The following PRKCH variants were observed in gnomAD, a reference collection of about 807,000 sequenced individuals.
The protein encoded by PRKCH is protein kinase C eta type.
Under a neutral mutation model 82.5 loss-of-function variants are expected in PRKCH, and 28 were observed. The ratio of observed to expected loss-of-function variants is 0.34; its 90% confidence interval spans 0.25 to 0.47. PRKCH has a LOEUF of 0.47. Among genes scored for constraint, PRKCH ranks in the 20% least tolerant of loss-of-function variants. PRKCH has a pLI of 1.00. For synonymous variants in PRKCH, 322 were observed against 327.4 expected (o/e 0.98, Z 0.18); for missense variants, 705 against 881.8 (o/e 0.80, Z 2.54).
chr14:61,409,014 T>A (rs559026808), intron 2 of PRKCH, among the ~76,000 whole-genome samples: 1 of 152,302 alleles, frequency 6.6e-6, no homozygotes, highest in East Asian at 1.9e-4. Flanking sequence ...TTTGTCAGTT[T>A]CCTGTTCGCT....
intron 10 of PRKCH, among the ~76,000 whole-genome samples, chr14:61,493,721 T>TG (rs1377602266): frequency 6.6e-6 from 1 of 151,316 alleles, no homozygotes; most frequent in Admixed American, 6.6e-5. Flanking sequence ...TACGTGCGGG[T>TG]GGGGGGCATG....
At chr14:61,207,885 A>T (rs758520208) in intron 1 of PRKCH, among the ~76,000 whole-genome samples, 6 of 152,208 alleles carry the variant, frequency 3.9e-5, no homozygotes, top group Non-Finnish European at 5.9e-5. Context: ...CTTCCCATGA[A>T]ACTGCCTGGC....
chr14:61,421,103 G>T (rs1167230263), intron 2 of PRKCH, among the ~76,000 whole-genome samples: 1 of 151,424 alleles, frequency 6.6e-6, no homozygotes, highest in Non-Finnish European at 1.5e-5. Flanking sequence ...TTATCTAGTA[G>T]TGCCTTTATC....
intron 1 of PRKCH, among the ~76,000 whole-genome samples, chr14:61,310,612 T>C (rs2045515664): frequency 6.6e-6 from 1 of 152,218 alleles, no homozygotes; most frequent in Admixed American, 6.5e-5. Context: ...TGCCTGTGGC[T>C]TTTCCAGGCA....
intron 1 of PRKCH, among the ~76,000 whole-genome samples, chr14:61,286,582 G>A (rs890448714): frequency 3.3e-5 from 5 of 152,006 alleles, no homozygotes. Flanking sequence ...TTCGAGATCA[G>A]TCTGACCAAC....
intron 8 of PRKCH, 64 bp from the exon 9 acceptor site, chr14:61,457,442 T>A: frequency 6.3e-7 from 1 of 1,594,222 alleles, no homozygotes; most frequent in Non-Finnish European, 8.6e-7. Context: ...CTTCCTGTTG[T>A]GTGCACACAC....
chr14:61,356,463 G>C (rs1339197274), intron 1 of PRKCH, among the ~76,000 whole-genome samples: 2 of 152,140 alleles, frequency 1.3e-5, no homozygotes, highest in African/African-American at 4.8e-5. Flanking sequence ...TGTGAAATCT[G>C]AGAGCCAACA....
At chr14:61,539,933 T>C in intron 12 of PRKCH, among the ~76,000 whole-genome samples, 1 of 152,184 alleles carries the variant, frequency 6.6e-6, no homozygotes, top group East Asian at 1.9e-4. Context: ...ACATTACGTG[T>C]TTTAGTTTTT....
intron 2 of PRKCH, among the ~76,000 whole-genome samples, chr14:61,397,984 A>G (rs2046810647): frequency 1.3e-5 from 2 of 152,232 alleles, no homozygotes; most frequent in Non-Finnish European, 2.9e-5. Context: ...GTATAAAATT[A>G]TCAACTGGAT....
chr14:61,466,248 G>A (rs528121190), intron 9 of PRKCH, among the ~76,000 whole-genome samples: 3 of 152,162 alleles, frequency 2.0e-5, no homozygotes, highest in Non-Finnish European at 4.4e-5. Flanking sequence ...GGGGTAGGAG[G>A]AATAAGCCAT....
intron 9 of PRKCH, among the ~76,000 whole-genome samples, chr14:61,479,918 G>A (rs78970075): frequency 0.016 from 2,494 of 152,252 alleles, 75 homozygotes; most frequent in African/African-American, 0.056. Flanking sequence ...CACTCCCACC[G>A]GTGTTCATCA....
chr14:61,190,841 C>T (rs550799502), intron 1 of PRKCH, among the ~76,000 whole-genome samples: 1 of 152,258 alleles, frequency 6.6e-6, no homozygotes, highest in East Asian at 1.9e-4. Flanking sequence ...TAAAGTAGCA[C>T]CCACACCCCA....
chr14:61,207,558 A>G (rs1481090245), intron 1 of PRKCH, among the ~76,000 whole-genome samples: 1 of 152,178 alleles, frequency 6.6e-6, no homozygotes, highest in Non-Finnish European at 1.5e-5. Context: ...CAGCAGATAG[A>G]TGTTTTCAAT....
At chr14:61,506,374 GT>G (rs1267335067) in intron 10 of PRKCH, among the ~76,000 whole-genome samples, 4 of 152,128 alleles carry the variant, frequency 2.6e-5, no homozygotes, top group Non-Finnish European at 5.9e-5. Context: ...CATCAGTGGG[GT>G]TGTGAGTCCC....
intron 1 of PRKCH, among the ~76,000 whole-genome samples, chr14:61,239,146 A>G (rs2044814169): frequency 6.6e-6 from 1 of 152,202 alleles, no homozygotes; most frequent in South Asian, 2.1e-4. Flanking sequence ...TGACTGTTCC[A>G]TAGCGAGCTG....
At chr14:61,256,021 T>A (rs756827030) in intron 1 of PRKCH, among the ~76,000 whole-genome samples, 1 of 152,178 alleles carries the variant, frequency 6.6e-6, no homozygotes, top group African/African-American at 2.4e-5. Flanking sequence ...TGCATAAAGT[T>A]TAGTGGCGCG....
intron 10 of PRKCH, among the ~76,000 whole-genome samples, chr14:61,499,588 C>T (rs553795148): frequency 2.0e-5 from 3 of 152,234 alleles, no homozygotes; most frequent in African/African-American, 7.2e-5. Context: ...AATTGCTGCT[C>T]TACCCTGTTC....
intron 1 of PRKCH, among the ~76,000 whole-genome samples, chr14:61,302,361 A>C (rs2045454516): frequency 1.3e-5 from 2 of 152,194 alleles, no homozygotes; most frequent in South Asian, 4.1e-4. Context: ...TCTTTATGGC[A>C]TATAAGCCCT....
At chr14:61,505,395 C>CTTTTT (rs60304150) in intron 10 of PRKCH, among the ~76,000 whole-genome samples, 225 of 55,794 alleles carry the variant, frequency 4.0e-3, no homozygotes, top group African/African-American at 0.011. Context: ...CTTTTCTTTT[C>CTTTTT]TTTTTTTTTT....
Sources: gnomAD v4.1 joint callset for allele counts (sites outside exome capture counted in the v4.1 genomes callset) on GRCh38, gnomAD v4.1.1 for gene constraint, MANE v1.5 for transcripts, NCBI Gene and HGNC (gene_info 2026-07-23, HGNC 2026-07-21) for gene names.